EAPP: variants seen among roughly 807,000 people sequenced by gnomAD.
EAPP encodes E2F-associated phosphoprotein.
In EAPP, 38 loss-of-function variants were observed where a neutral mutation model predicts 34.3. The ratio of observed to expected loss-of-function variants is 1.11; its 90% CI spans 0.85 to 1.45. The LOEUF is 1.45. Among genes scored for constraint, EAPP ranks in the 40% most tolerant of loss-of-function variants. The pLI is 0.00. For missense variants in EAPP, 338 were observed against 343.7 expected (o/e 0.98, Z 0.13); for synonymous variants, 113 against 117.6 (o/e 0.96, Z 0.25).
intron 3 of EAPP, among the ~76,000 whole-genome samples, chr14:34,533,074 G>A (rs986857114): frequency 4.6e-5 from 7 of 151,820 alleles, no homozygotes; most frequent in African/African-American, 1.7e-4. Context: ...TCACTCTGTC[G>A]CCCAGGCTGG....
intron 4 of EAPP, 51 bp from the exon 5 acceptor site, chr14:34,524,858 G>C (rs771699767): frequency 1.4e-6 from 2 of 1,410,220 alleles, no homozygotes; most frequent in Non-Finnish European, 2.0e-6. Flanking sequence ...ACCAGATCTT[G>C]GTTTCTAGTG....
chr14:34,533,600 C>A (rs1163251461), intron 2 of EAPP, 61 bp from the exon 3 acceptor site: 2 of 1,096,386 alleles, frequency 1.8e-6, no homozygotes, highest in African/African-American at 3.2e-5. Context: ...AGGCAAAAAA[C>A]TCCATATATT....
intron 2 of EAPP, among the ~76,000 whole-genome samples, chr14:34,534,123 G>A (rs1277439704): frequency 6.6e-6 from 1 of 151,280 alleles, no homozygotes; most frequent in African/African-American, 2.4e-5. Context: ...CAATGCTGAA[G>A]AGTCCTACTT....
chr14:34,533,454 T>C lies in EAPP; in HGVS notation c.342A>G (p.Glu114=), dbSNP rs1286691870. The change falls in exon 3 of 6, where the codon GAA becomes GAG. Residue 114 remains glutamate (E), a synonymous_variant. Transcript: ENST00000250454. ...DIYFDSDSED[E]DRAVQVTKKK... ...AAATAGGTTACTTACCTGCTCTGTC[T>C]TCATCCTCGGAATCAGAATCAAAAT... 1.2e-6 allele frequency: 2 copies of C among 1,611,838 alleles called. No individual in the cohort carries two copies. Among genetic ancestry groups the C allele is most frequent in the East Asian group, 2.2e-5 (1 of 44,744 alleles).
intron 5 of EAPP, among the ~76,000 whole-genome samples, chr14:34,524,391 C>G (rs1594661109): frequency 6.6e-6 from 1 of 151,680 alleles, no homozygotes; most frequent in African/African-American, 2.4e-5. Flanking sequence ...TTCATCTCAA[C>G]AAAACAAAAC....
In EAPP at chr14:34,517,966, G is replaced by C. The variant is rs532105918; in HGVS notation, c.582-1380C>G. On this transcript the variant is annotated intron_variant, in intron 5 of 5. Coordinates refer to ENST00000250454, the MANE Select transcript of EAPP (RefSeq NM_018453.4). ...ATTTTTGTATTTTTAGTAGAGACAG[G>C]GTTTCACCAGGTTGGTCAGGCTGGT... 2.7e-4 allele frequency among the ~76,000 whole-genome samples: 41 copies of C among 151,868 alleles called. No individual in the cohort carries two copies. The South Asian group carries it at 8.3e-3, about 31-fold the overall frequency.
rs1880462968 is a variant in EAPP at position 34,536,115 on chromosome 14, T to G, written c.235A>C (p.Lys79Gln). 1.2e-6 allele frequency: 2 copies of G among 1,610,520 alleles called. No homozygotes were observed. Among genetic ancestry groups the G allele is most frequent in the African/African-American group, 2.7e-5 (2 of 74,754 alleles). Residue 79 changes from lysine to glutamine, a missense_variant, in exon 2 of 6, where the codon AAG (lysine) becomes CAG (glutamine). By Grantham distance (53) the Lys-to-Gln change is moderately conservative. Transcript: ENST00000250454. ...LNSTMKTMED[K>Q]LSSLGTGSSS... ...TTACCAGTTCCCAGAGAGGATAACT[T>G]GTCCTCCATTGTTTTCATGGTAGAA... is the stretch of plus-strand genomic sequence containing the variant.
At chr14:34,530,904 C>CAAAAAAAAAAAAAAAAAA (rs780101001) in intron 3 of EAPP, among the ~76,000 whole-genome samples, 9 of 55,176 alleles carry the variant, frequency 1.6e-4, no homozygotes, top group East Asian at 7.7e-4. Flanking sequence ...CAATCTTTAC[C>CAAAAAAAAAAAAAAAAAA]AAAAAAAAAA....
rs573601260 is a variant in EAPP, at chr14:34,523,339, G to A, written c.581+1358C>T. Among the ~76,000 whole-genome samples, 7 of 148,998 alleles carry A rather than the reference G, an allele frequency of 4.7e-5. No homozygotes were observed. The South Asian group carries it at 1.3e-3, about 27-fold the overall frequency. On this transcript the variant is annotated intron_variant, in intron 5 of 5. Coordinates refer to ENST00000250454, the MANE Select transcript of EAPP (RefSeq NM_018453.4). ...TGTAAGCTCCGCCTCCTGGGTTCACGCCATTCTCCTGCCTCAGCCTCCGGA... is the reference window on the plus strand; with the variant it reads ...TGTAAGCTCCGCCTCCTGGGTTCACACCATTCTCCTGCCTCAGCCTCCGGA...
chr14:34,535,425 C>G (rs961769742), intron 2 of EAPP, among the ~76,000 whole-genome samples: 1 of 144,230 alleles, frequency 6.9e-6, no homozygotes, highest in Non-Finnish European at 1.5e-5. Flanking sequence ...CCACTGCACC[C>G]GGTCGCTACA....
In EAPP at chr14:34,539,578, G is replaced by A; in HGVS notation, c.51C>T (p.Ser17=). 1 of 1,603,108 alleles carries A rather than the reference G, an allele frequency of 6.2e-7. No homozygotes were observed. Among genetic ancestry groups the A allele is most frequent in the Middle Eastern group, 1.7e-4 (1 of 6,040 alleles). Residue 17 remains serine, a synonymous_variant, in exon 1 of 6, where the codon AGC becomes AGT. Transcript: ENST00000250454. ...ACCTGCTCAAAGCCGGCTCCTCGTCGCTAGGCTCTTCAACCGCGTAGGGGT... is the reference window on the plus strand; with the variant it reads ...ACCTGCTCAAAGCCGGCTCCTCGTCACTAGGCTCTTCAACCGCGTAGGGGT... ...DYDPYAVEEP[S]DEEPALSSSE...
rs144988471 is a variant in EAPP at position 34,516,346 on chromosome 14, G to T, written c.822C>A (p.Val274=). Residue 274 remains valine (V), a synonymous_variant, in exon 6 of 6, where the codon GTC becomes GTA. Transcript: ENST00000250454. ...TEVAVYDKDE[V]FHFFNVLASH... Reference sequence around the variant, plus strand: ...TTGCTAAAACATTGAAAAAATGAAAGACTTCATCCTTGTCGTAGACTGCCA... The same window carrying T: ...TTGCTAAAACATTGAAAAAATGAAATACTTCATCCTTGTCGTAGACTGCCA... 24 of 1,612,760 alleles carry T rather than the reference G, an allele frequency of 1.5e-5. No individual in the cohort carries two copies. The African/African-American group carries it at 3.2e-4, about 22-fold the overall frequency.
chr14:34,534,766 C>T (rs1242876079), intron 2 of EAPP, among the ~76,000 whole-genome samples: 1 of 152,066 alleles, frequency 6.6e-6, no homozygotes, highest in East Asian at 1.9e-4. Flanking sequence ...CTTTGGGAGG[C>T]CAATGCAGGA....
intron 2 of EAPP, chr14:34,535,861 C>T (rs1023211220): frequency 2.5e-6 from 1 of 405,312 alleles, no homozygotes; most frequent in Non-Finnish European, 4.3e-6. Flanking sequence ...CATGCCACTG[C>T]ACTCCAGCCT....
intron 4 of EAPP, among the ~76,000 whole-genome samples, chr14:34,528,806 C>T (rs115735119): frequency 0.024 from 3,652 of 151,656 alleles, 160 homozygotes; most frequent in African/African-American, 0.085. Flanking sequence ...GATTGACTAA[C>T]GCAGCCTAAA....
chr14:34,520,134 G>T (rs1162237004), intron 5 of EAPP, among the ~76,000 whole-genome samples: 2 of 149,752 alleles, frequency 1.3e-5, no homozygotes, highest in African/African-American at 2.5e-5. Flanking sequence ...TGATCCACCT[G>T]CCTCAGCCTC....
chr14:34,532,598 C>T (rs1012446248), intron 3 of EAPP, among the ~76,000 whole-genome samples: 1 of 151,478 alleles, frequency 6.6e-6, no homozygotes, highest in Non-Finnish European at 1.5e-5. Flanking sequence ...AGTTGGGACA[C>T]ACTCTCTCTC....
Position 34,528,933 on chromosome 14 carries a change from G to A in EAPP, c.470+425C>T, listed in dbSNP as rs189885682. Among the ~76,000 whole-genome samples, 184 of 151,750 alleles carry A rather than the reference G, an allele frequency of 1.2e-3. 1 individual carries two copies. The Middle Eastern group carries it at 0.017, about 14-fold the overall frequency. ...AGGTGAATCACGAGGTCAGGGGTTC[G>A]AGACCAGCCTGGCCAACATGGTGAA... On this transcript the variant is annotated intron_variant, in intron 4 of 5. Transcript: ENST00000250454.
intron 4 of EAPP, 139 bp downstream of exon 4, chr14:34,529,219 A>T: frequency 1.6e-6 from 1 of 612,806 alleles, no homozygotes. Flanking sequence ...ACTACTGAGC[A>T]GTTTTTTCCT....
Sources: allele counts gnomAD v4.1 joint callset (sites outside exome capture counted in the v4.1 genomes callset), GRCh38; gene constraint gnomAD v4.1.1; transcripts MANE v1.5; gene names NCBI Gene and HGNC (gene_info 2026-07-23, HGNC 2026-07-21).